The following NALF1 variants were observed in gnomAD, a reference collection of about 807,000 sequenced individuals.
The protein encoded by NALF1 is family with sequence similarity 155 member A.
In NALF1, 3 loss-of-function variants were observed where a neutral mutation model predicts 48.4. The observed-to-expected ratio is 0.06, with a 90% CI of 0.03 to 0.16. NALF1 has a LOEUF of 0.16. NALF1 is among the 10% of genes least tolerant of loss of function. The probability of loss-of-function intolerance (pLI) is 1.00; values close to 1 mark genes in which losing one functional copy is unlikely to be tolerated. For missense variants in NALF1, 526 were observed against 571.5 expected, an observed-to-expected ratio of 0.92 and a Z score of 0.81; for synonymous variants, 262 against 245.7, an observed-to-expected ratio of 1.07 and a Z score of -0.62.
intron 1 of NALF1, among the ~76,000 whole-genome samples, chr13:107,300,148 A>T (rs750517035): frequency 1.3e-5 from 2 of 152,186 alleles, no homozygotes; most frequent in African/African-American, 4.8e-5. Context: ...TCCATTCTTA[A>T]CCACTGTCTG....
intron 1 of NALF1, among the ~76,000 whole-genome samples, chr13:107,501,810 G>C (rs571028776): frequency 6.6e-6 from 1 of 152,226 alleles, no homozygotes; most frequent in East Asian, 1.9e-4. Flanking sequence ...GTGTATTATA[G>C]CAACAACTAA....
intron 1 of NALF1, among the ~76,000 whole-genome samples, chr13:107,282,051 T>C (rs547729939): frequency 2.0e-5 from 3 of 152,186 alleles, no homozygotes; most frequent in Non-Finnish European, 4.4e-5. Flanking sequence ...TCAGTCTGCA[T>C]TGATGGTGTT....
At chr13:107,295,925 C>T (rs561998908) in intron 1 of NALF1, among the ~76,000 whole-genome samples, 2 of 152,206 alleles carry the variant, frequency 1.3e-5, no homozygotes, top group Non-Finnish European at 2.9e-5. Context: ...GTATTGTGAA[C>T]TGTCAGTGTA....
chr13:107,823,751 A>G (rs1594294509), intron 1 of NALF1, among the ~76,000 whole-genome samples: 1 of 152,094 alleles, frequency 6.6e-6, no homozygotes, highest in East Asian at 1.9e-4. Context: ...GTACATACAG[A>G]TTTTGGAGCC....
rs552057322 is a variant in NALF1, at chr13:107,734,250, GCCA to G, written c.915+131429_915+131431del. Among the ~76,000 whole-genome samples, 155 of 152,172 alleles carry G rather than the reference GCCA, an allele frequency of 1.0e-3. 1 individual carries two copies. The highest frequency in any genetic ancestry group is 3.4e-3 in the Middle Eastern group (1 of 294). On this transcript the variant is annotated intron_variant, in intron 1 of 2. Coordinates refer to ENST00000375915, the MANE Select transcript of NALF1 (RefSeq NM_001080396.3). ...CGTCTACGATAATGAATCTGGTCTTGCCACCACATCACTTAATTATGCACCTCA... is the reference window on the plus strand; with the variant it reads ...CGTCTACGATAATGAATCTGGTCTTGCCACATCACTTAATTATGCACCTCA...
At chr13:107,705,617 T>C (rs549828679) in intron 1 of NALF1, among the ~76,000 whole-genome samples, 5 of 152,146 alleles carry the variant, frequency 3.3e-5, no homozygotes, top group Non-Finnish European at 7.4e-5. Context: ...AGATTATTAT[T>C]AGACATAAAC....
At chr13:107,646,848 T>C (rs879905991) in intron 1 of NALF1, among the ~76,000 whole-genome samples, 1 of 152,080 alleles carries the variant, frequency 6.6e-6, no homozygotes, top group Non-Finnish European at 1.5e-5. Context: ...GTGTTCTCAT[T>C]AGGAAAGAAA....
At chr13:107,186,601 T>C (rs566739334) in intron 2 of NALF1, among the ~76,000 whole-genome samples, 3 of 152,186 alleles carry the variant, frequency 2.0e-5, no homozygotes, top group South Asian at 4.2e-4. Context: ...CTCCTGACCT[T>C]GTGATCTGCC....
At chr13:107,523,438 T>C (rs1482883201) in intron 1 of NALF1, among the ~76,000 whole-genome samples, 1 of 152,024 alleles carries the variant, frequency 6.6e-6, no homozygotes, top group Non-Finnish European at 1.5e-5. Flanking sequence ...TTGTTACATA[T>C]GTATACATGT....
chr13:107,314,854 C>T (rs573524186), intron 1 of NALF1, among the ~76,000 whole-genome samples: 6 of 152,208 alleles, frequency 3.9e-5, no homozygotes, highest in South Asian at 2.1e-4. Context: ...AATGAACTGA[C>T]GAGTGAAAGC....
chr13:107,828,304 T>C (rs1879583098), intron 1 of NALF1, among the ~76,000 whole-genome samples: 1 of 152,142 alleles, frequency 6.6e-6, no homozygotes, highest in South Asian at 2.1e-4. Context: ...GGTTCTAATC[T>C]GCAGTGACTA....
At chr13:107,341,760 ATG>A (rs967115450) in intron 1 of NALF1, among the ~76,000 whole-genome samples, 5 of 150,558 alleles carry the variant, frequency 3.3e-5, no homozygotes, top group African/African-American at 4.9e-5. Flanking sequence ...ACCATCTATA[ATG>A]TGTGTGTGTG....
chr13:107,326,340 C>T (rs1327813044), intron 1 of NALF1, among the ~76,000 whole-genome samples: 1 of 152,094 alleles, frequency 6.6e-6, no homozygotes, highest in East Asian at 1.9e-4. Context: ...GCTTCTCGGG[C>T]ATTCCTGGTG....
chr13:107,764,704 A>G (rs1170128456), intron 1 of NALF1, among the ~76,000 whole-genome samples: 1 of 152,174 alleles, frequency 6.6e-6, no homozygotes, highest in Non-Finnish European at 1.5e-5. Flanking sequence ...CTCTCCTATC[A>G]TAAAACTATT....
intron 1 of NALF1, among the ~76,000 whole-genome samples, chr13:107,732,475 A>G (rs1876336811): frequency 6.6e-6 from 1 of 152,162 alleles, no homozygotes; most frequent in African/African-American, 2.4e-5. Flanking sequence ...GTCTAAGGAC[A>G]GCCATGCTGT....
intron 1 of NALF1, among the ~76,000 whole-genome samples, chr13:107,514,421 ATATC>A (rs34590190): frequency 0.013 from 2,007 of 148,740 alleles, 28 homozygotes; most frequent in African/African-American, 0.034. Flanking sequence ...AGCTTCTCCT[ATATC>A]TATCTATCTA....
In NALF1 at chr13:107,166,599, ATGT is replaced by A. The variant is rs755784650; in HGVS notation, c.*3895_*3897del. On this transcript the variant is annotated 3_prime_UTR_variant, in exon 3 of 3. Coordinates refer to ENST00000375915, the MANE Select transcript of NALF1 (RefSeq NM_001080396.3). ...TGCTTCAGACTGGTTAACGTTTTTG[ATGT>A]TGTTCAGATATCAAATACCATATGC... The A allele has an allele frequency of 2.0e-5, 3 of 152,266 alleles. No individual in the cohort carries two copies. The highest frequency in any genetic ancestry group is 2.9e-5 in the Non-Finnish European group (2 of 68,020). 9.4% of individuals were successfully genotyped at this position (152,266 alleles called of 1,614,324 possible). A position where few individuals can be genotyped will look rare whatever the true frequency, so the allele number is the denominator to read the frequency against.
At chr13:107,772,893 A>T (rs564381345) in intron 1 of NALF1, among the ~76,000 whole-genome samples, 1 of 152,280 alleles carries the variant, frequency 6.6e-6, no homozygotes, top group East Asian at 1.9e-4. Flanking sequence ...ACCATATGTG[A>T]TTATTTCCCC....
chr13:107,249,492 T>A (rs886193928), intron 1 of NALF1, among the ~76,000 whole-genome samples: 12 of 152,086 alleles, frequency 7.9e-5, no homozygotes, highest in Non-Finnish European at 1.6e-4. Flanking sequence ...AATATCAACT[T>A]TATGAAGCCA....
Sources: allele counts gnomAD v4.1 joint callset (sites outside exome capture counted in the v4.1 genomes callset), GRCh38; gene constraint gnomAD v4.1.1; transcripts MANE v1.5; gene names NCBI Gene and HGNC (gene_info 2026-07-23, HGNC 2026-07-21).